Variants in ROPN1 observed in about 807,000 individuals in gnomAD.
ROPN1 encodes rhophilin associated tail protein 1, also known as ropporin-1A.
In ROPN1, 14 loss-of-function variants were observed where a neutral mutation model predicts 20.5. The ratio of observed to expected loss-of-function variants is 0.68; its 90% CI spans 0.45 to 1.07. The LOEUF (loss-of-function observed/expected upper bound fraction) is 1.07, where lower values mean the gene tolerates loss of function less well. Ranked by LOEUF, ROPN1 falls within the 50% of genes least tolerant of loss-of-function variation. The pLI, the probability that ROPN1 is intolerant of heterozygous loss-of-function variation, is 0.00. For synonymous variants in ROPN1, 76 were observed against 95.7 expected (o/e 0.79, Z 1.20); for missense variants, 169 against 242.8 (o/e 0.70, Z 2.02).
At chr3:123,973,471 A>G (rs993244619) in intron 4 of ROPN1, among the ~76,000 whole-genome samples, 1 of 152,132 alleles carries the variant, frequency 6.6e-6, no homozygotes, top group Admixed American at 6.5e-5. Context: ...AGGTAGATGA[A>G]CCTCATGGAA....
chr3:123,989,869 G>A (rs938151267), intron 1 of ROPN1, among the ~76,000 whole-genome samples: 2 of 152,128 alleles, frequency 1.3e-5, no homozygotes, highest in African/African-American at 2.4e-5. Context: ...TCTGGGAAAG[G>A]TTTCTTCCTT....
At chr3:123,987,178 C>T (rs539432182) in intron 1 of ROPN1, among the ~76,000 whole-genome samples, 1 of 152,346 alleles carries the variant, frequency 6.6e-6, no homozygotes, top group East Asian at 1.9e-4. Flanking sequence ...CCTGCCACCT[C>T]AAGTTTCTGT....
intron 4 of ROPN1, among the ~76,000 whole-genome samples, chr3:123,973,479 GA>G (rs1299307618): frequency 6.6e-6 from 1 of 152,154 alleles, no homozygotes; most frequent in Non-Finnish European, 1.5e-5. Flanking sequence ...GAACCTCATG[GA>G]ATATTGAATC....
rs369870517 is a variant in ROPN1, at chr3:123,986,426, G to A, written c.-13+5496C>T. Among the ~76,000 whole-genome samples the A allele has an allele frequency of 3.2e-4, 48 of 152,284 alleles. 1 individual carries two copies. The East Asian group carries it at 9.1e-3, about 29-fold the overall frequency. On this transcript the variant is annotated intron_variant, in intron 1 of 5. Coordinates refer to ENST00000405845, the MANE Select transcript of ROPN1 (RefSeq NM_001317774.2). The stretch of plus-strand genomic sequence containing the variant: ...TTGTGGGGAGCAGGGGTCCCTGATG[G>A]AGACTGTGTGTGCTGTTGCACTGGA...
rs370934131 is a variant in ROPN1, at chr3:123,976,925, C to T, written c.173G>A (p.Arg58Gln). 1.1e-5 allele frequency: 18 copies of T among 1,613,982 alleles called. No individual in the cohort carries two copies. The highest frequency in any genetic ancestry group is 1.1e-4 in the East Asian group (5 of 44,880). Reference sequence around the variant, plus strand: ...CTCTGCCCGGTTACACAAAGCGACTCGCTCAGACCGCTCTCTCACCGGAGG... The same window carrying T: ...CTCTGCCCGGTTACACAAAGCGACTTGCTCAGACCGCTCTCTCACCGGAGG... ...ETPPVRERSE[R>Q]VALCNRAELT... is the part of the protein sequence containing the mutation. Residue 58 changes from arginine to glutamine, a missense_variant, in exon 3 of 6, where the codon CGA becomes CAA. Physicochemically the swap from Arg to Gln is conservative, Grantham distance 43. Around this residue, in one of 3 missense-constraint regions of ROPN1, gnomAD observed 84 missense variants for 99.3 expected, o/e 0.85. Coordinates refer to ENST00000405845, the MANE Select transcript of ROPN1 (RefSeq NM_001317774.2).
intron 1 of ROPN1, among the ~76,000 whole-genome samples, chr3:123,982,575 T>C (rs1232610240): frequency 6.6e-6 from 1 of 152,294 alleles, no homozygotes; most frequent in Non-Finnish European, 1.5e-5. Flanking sequence ...ACTTACATCA[T>C]GTATTTAATT....
At chr3:123,985,565 T>C (rs1049135420) in intron 1 of ROPN1, among the ~76,000 whole-genome samples, 3 of 152,212 alleles carry the variant, frequency 2.0e-5, no homozygotes, top group African/African-American at 7.2e-5. Context: ...TTCTTGGCTT[T>C]TGATGTTAAA....
intron 1 of ROPN1, among the ~76,000 whole-genome samples, chr3:123,985,977 A>C (rs1471236007): frequency 1.6e-5 from 2 of 128,238 alleles, no homozygotes; most frequent in East Asian, 5.3e-4. Context: ...TGGGTGACAG[A>C]GCAAGACCTT....
rs2038319543 is a variant in ROPN1 at position 123,988,451 on chromosome 3, A to G, written c.-13+3471T>C. Reference sequence around the variant, plus strand: ...GTGAGTCAGAGATTTAAAACCTACAAGCAAGGGCTCTGAGGGGGTGAATGC... The same window carrying G: ...GTGAGTCAGAGATTTAAAACCTACAGGCAAGGGCTCTGAGGGGGTGAATGC... On this transcript the variant is annotated intron_variant, in intron 1 of 5. Coordinates refer to ENST00000405845, the MANE Select transcript of ROPN1 (RefSeq NM_001317774.2). Among the ~76,000 whole-genome samples the G allele has an allele frequency of 2.6e-5, 4 of 152,198 alleles. No individual in the cohort carries two copies. In the South Asian group the frequency reaches 8.3e-4, roughly 31 times the overall value.
chr3:123,981,436 G>A (rs901043415), intron 1 of ROPN1: 1 of 153,650 alleles, frequency 6.5e-6, no homozygotes, highest in African/African-American at 2.4e-5. Context: ...TAGGCAGGGT[G>A]GATAGAGACC....
At position 123,980,439 on chromosome 3, in the gene ROPN1, G is replaced by A. The variant is rs1222302479; in HGVS notation, c.43C>T (p.Pro15Ser). The A allele has an allele frequency of 6.2e-7, 1 of 1,614,182 alleles. No individual in the cohort carries two copies. Among genetic ancestry groups the A allele is most frequent in the Non-Finnish European group, 8.5e-7 (1 of 1,180,030 alleles). ...TTGGCAAACTCCTTCAGCATCTTCG[G>A]CAGCTCCGGCGGGATGCATGTTGGC... ...DKPTCIPPEL[P>S]KMLKEFAKAA... is the part of the protein sequence containing the mutation. The change falls in exon 2 of 6, where the codon CCG becomes TCG. Residue 15 changes from proline to serine, a missense_variant. Coordinates refer to ENST00000405845, the MANE Select transcript of ROPN1 (RefSeq NM_001317774.2).
At chr3:123,980,558 G>A in intron 1 of ROPN1, 65 bp from the exon 2 acceptor site, 5 of 1,457,608 alleles carry the variant, frequency 3.4e-6, no homozygotes, top group Non-Finnish European at 4.7e-6. Flanking sequence ...GAGCAATCCT[G>A]GACAGGAGGT....
At chr3:123,979,460 C>G (rs1486704720) in intron 2 of ROPN1, 1 of 356,068 alleles carries the variant, frequency 2.8e-6, no homozygotes, top group African/African-American at 2.2e-5. Context: ...GAAAATGGTC[C>G]GTGAGGTCTA....
intron 4 of ROPN1, among the ~76,000 whole-genome samples, chr3:123,970,949 C>A (rs1265549902): frequency 6.6e-6 from 1 of 152,130 alleles, no homozygotes; most frequent in Non-Finnish European, 1.5e-5. Flanking sequence ...CATCTCATGT[C>A]TTTAAATAAC....
intron 1 of ROPN1, among the ~76,000 whole-genome samples, chr3:123,981,085 A>G (rs2038137911): frequency 3.3e-5 from 5 of 152,320 alleles, no homozygotes; most frequent in Non-Finnish European, 7.4e-5. Context: ...TCTCTCAAAA[A>G]GTTCCAGGAC....
chr3:123,982,071 C>A (rs1357463321), intron 1 of ROPN1, among the ~76,000 whole-genome samples: 3 of 151,776 alleles, frequency 2.0e-5, no homozygotes, highest in Non-Finnish European at 1.5e-5. Context: ...TATAGGTACA[C>A]CTGAAAAAAT....
Position 123,969,055 on chromosome 3 carries a change from A to G in ROPN1, c.*100T>C, listed in dbSNP as rs1260146551. ...GTTTAATTGTTTATTAGTGTGTACC[A>G]GTTGTACAAGAAAATTGATTTTGGG... On this transcript the variant is annotated 3_prime_UTR_variant, in exon 6 of 6. Coordinates refer to ENST00000405845, the MANE Select transcript of ROPN1 (RefSeq NM_001317774.2). 3 of 889,368 alleles carry G rather than the reference A, an allele frequency of 3.4e-6. No individual in the cohort carries two copies. Among genetic ancestry groups the G allele is most frequent in the Non-Finnish European group, 5.7e-6 (3 of 525,138 alleles). 55.1% of individuals were successfully genotyped at this position (889,368 alleles called of 1,614,324 possible).
At chr3:123,990,223 A>G (rs2038372030) in intron 1 of ROPN1, among the ~76,000 whole-genome samples, 1 of 151,966 alleles carries the variant, frequency 6.6e-6, no homozygotes. Flanking sequence ...GAGTGATATA[A>G]GAGACAAGTA....
intron 4 of ROPN1, among the ~76,000 whole-genome samples, chr3:123,971,875 G>A (rs2037925934): frequency 6.6e-6 from 1 of 152,144 alleles, no homozygotes; most frequent in Non-Finnish European, 1.5e-5. Context: ...CCCCAGAACT[G>A]GAGAATGTGA....
Sources: allele counts gnomAD v4.1 joint callset (sites outside exome capture counted in the v4.1 genomes callset), GRCh38; gene constraint gnomAD v4.1.1; regional missense constraint gnomAD v4.1.1; transcripts MANE v1.5; gene names NCBI Gene and HGNC (gene_info 2026-07-23, HGNC 2026-07-21).